PDE5A: variants seen among roughly 807,000 people sequenced by gnomAD.
PDE5A encodes phosphodiesterase 5A.
Under a neutral mutation model 110.2 loss-of-function variants are expected in PDE5A, and 67 were observed. That is an observed-to-expected ratio of 0.61 (90% CI 0.50 to 0.75). The LOEUF is 0.75. Ranked by LOEUF, PDE5A falls within the 30% of genes least tolerant of loss-of-function variation. The pLI, the probability that PDE5A is intolerant of heterozygous loss-of-function variation, is 0.00. For synonymous variants in PDE5A, 328 were observed against 351.2 expected, an observed-to-expected ratio of 0.93 and a Z score of 0.74; for missense variants, 862 against 1,045.1, an observed-to-expected ratio of 0.82 and a Z score of 2.42.
In PDE5A at chr4:119,560,768, A is replaced by G. The variant is rs774216561; in HGVS notation, c.1132-405T>C. 3.9e-5 allele frequency among the ~76,000 whole-genome samples: 6 copies of G among 152,346 alleles called. No individual in the cohort carries two copies. The South Asian group carries it at 8.3e-4, about 21-fold the overall frequency. On this transcript the variant is annotated intron_variant, in intron 6 of 20. Transcript: ENST00000354960. Reference sequence around the variant, plus strand: ...TTCTTAAAAAGATGTTTCATTCAGTAATACTTTATGTGATTATTAAAATAA... The same window carrying G: ...TTCTTAAAAAGATGTTTCATTCAGTGATACTTTATGTGATTATTAAAATAA...
intron 1 of PDE5A, among the ~76,000 whole-genome samples, chr4:119,609,960 C>T (rs767282185): frequency 1.5e-4 from 23 of 152,132 alleles, no homozygotes; most frequent in Non-Finnish European, 3.2e-4. Flanking sequence ...AACAACCTCA[C>T]TGGCCTTATG....
At chr4:119,532,017 T>C (rs1361634095) in intron 11 of PDE5A, among the ~76,000 whole-genome samples, 1 of 152,182 alleles carries the variant, frequency 6.6e-6, no homozygotes, top group African/African-American at 2.4e-5. Context: ...GGCTGTTTTA[T>C]ATATTTAATC....
chr4:119,561,558 C>T (rs890413987), intron 6 of PDE5A, among the ~76,000 whole-genome samples: 1 of 152,134 alleles, frequency 6.6e-6, no homozygotes, highest in Non-Finnish European at 1.5e-5. Context: ...AGGAGTGCTT[C>T]ACATATAACT....
intron 9 of PDE5A, 73 bp downstream of exon 9, chr4:119,552,477 G>A: frequency 1.9e-6 from 1 of 524,322 alleles, no homozygotes; most frequent in East Asian, 3.5e-5. Flanking sequence ...CTTTACATTT[G>A]AAAGAAAGAA....
chr4:119,601,069 A>G (rs1194121725), intron 2 of PDE5A, among the ~76,000 whole-genome samples: 1 of 152,176 alleles, frequency 6.6e-6, no homozygotes, highest in Non-Finnish European at 1.5e-5. Flanking sequence ...AGACCTCCTA[A>G]AGGCCATGGG....
intron 3 of PDE5A, among the ~76,000 whole-genome samples, chr4:119,574,188 TTTTTTTTTTTTTGAGACAGA>T (rs1437761818): frequency 2.8e-5 from 4 of 140,578 alleles, no homozygotes; most frequent in Non-Finnish European, 6.2e-5. Context: ...GCTTTTTTTT[TTTTTTTTTTTTTGAGACAGA>T]GTCTCACTCT....
At position 119,619,343 on chromosome 4, in the gene PDE5A, T is replaced by C. The variant is rs1406079995; in HGVS notation, c.152+9177A>G. On this transcript the variant is annotated intron_variant, in intron 1 of 20. Transcript: ENST00000354960. ...CTCTCCTGGTGAGAAAAAAGAACTC[T>C]TACAGCTGAAAGAGATTTTTAAGCT... is the stretch of plus-strand genomic sequence containing the variant. Among the ~76,000 whole-genome samples the C allele has an allele frequency of 2.0e-5, 3 of 152,310 alleles. No individual in the cohort carries two copies. The East Asian group carries it at 5.8e-4, about 29-fold the overall frequency.
intron 3 of PDE5A, among the ~76,000 whole-genome samples, chr4:119,591,863 T>C (rs1728974886): frequency 6.6e-6 from 1 of 151,908 alleles, no homozygotes; most frequent in South Asian, 2.1e-4. Flanking sequence ...TAAAAAGCTG[T>C]GTTCTGGGCC....
At chr4:119,565,731 T>C (rs2110507920) in intron 4 of PDE5A, among the ~76,000 whole-genome samples, 1 of 152,102 alleles carries the variant, frequency 6.6e-6, no homozygotes, top group South Asian at 2.1e-4. Context: ...CTTGGATCTA[T>C]GCTGAAATTA....
chr4:119,582,135 G>T (rs1448363069), intron 3 of PDE5A, among the ~76,000 whole-genome samples: 1 of 152,196 alleles, frequency 6.6e-6, no homozygotes, highest in Non-Finnish European at 1.5e-5. Flanking sequence ...TTTACCCACA[G>T]TAGAACTTCT....
chr4:119,513,018 T>C (rs905618122), intron 14 of PDE5A: 1 of 152,088 alleles, frequency 6.6e-6, no homozygotes, highest in Admixed American at 6.6e-5. Flanking sequence ...ATTTTTACAA[T>C]AACCTTGTGC....
intron 10 of PDE5A, 133 bp from the exon 11 acceptor site, chr4:119,539,152 G>T: frequency 1.4e-6 from 1 of 715,036 alleles, no homozygotes; most frequent in Non-Finnish European, 2.5e-6. Flanking sequence ...AATCTTGTTT[G>T]CTGTTTTCTT....
intron 3 of PDE5A, among the ~76,000 whole-genome samples, chr4:119,579,948 C>T (rs916430416): frequency 4.6e-5 from 7 of 152,198 alleles, no homozygotes; most frequent in African/African-American, 1.7e-4. Context: ...GCCCATGTGC[C>T]AAGTTCCCAG....
rs78363791 is a variant in PDE5A at position 119,617,276 on chromosome 4, T to C, written c.153-9979A>G. 1.4e-4 allele frequency among the ~76,000 whole-genome samples: 21 copies of C among 152,254 alleles called. 1 individual carries two copies. The East Asian group carries it at 4.1e-3, about 29-fold the overall frequency. ...CACGGCTTCTTCCAAATGCCCTCTA[T>C]CTAGAAGTATTAAATAGGACTACAA... On this transcript the variant is annotated intron_variant, in intron 1 of 20. Coordinates refer to ENST00000354960, the MANE Select transcript of PDE5A (RefSeq NM_001083.4).
At chr4:119,541,073 G>A (rs1283577379) in intron 10 of PDE5A, among the ~76,000 whole-genome samples, 2 of 152,104 alleles carry the variant, frequency 1.3e-5, no homozygotes, top group South Asian at 2.1e-4. Context: ...GGGAAGGGAA[G>A]TGCAGAGGAG....
At chr4:119,575,238 T>C (rs1057101966) in intron 3 of PDE5A, among the ~76,000 whole-genome samples, 5 of 152,134 alleles carry the variant, frequency 3.3e-5, no homozygotes, top group African/African-American at 1.2e-4. Flanking sequence ...ACAGGGAGAA[T>C]AGAACCAAGT....
intron 2 of PDE5A, among the ~76,000 whole-genome samples, chr4:119,603,820 A>G (rs1729429474): frequency 6.6e-6 from 1 of 152,190 alleles, no homozygotes; most frequent in Non-Finnish European, 1.5e-5. Flanking sequence ...TCTACGATCA[A>G]ATAAGCTTAA....
chr4:119,556,116 G>A (rs1241021114), intron 7 of PDE5A, among the ~76,000 whole-genome samples: 1 of 152,170 alleles, frequency 6.6e-6, no homozygotes, highest in Non-Finnish European at 1.5e-5. Flanking sequence ...GTAGAGTCTA[G>A]TGCAGAGACT....
intron 1 of PDE5A, among the ~76,000 whole-genome samples, chr4:119,609,777 G>T (rs960573734): frequency 1.3e-5 from 2 of 151,998 alleles, no homozygotes; most frequent in African/African-American, 4.8e-5. Flanking sequence ...GATTTTAAGG[G>T]TTCTCACCAC....
Sources: allele counts gnomAD v4.1 joint callset (sites outside exome capture counted in the v4.1 genomes callset), GRCh38; gene constraint gnomAD v4.1.1; transcripts MANE v1.5; gene names NCBI Gene and HGNC (gene_info 2026-07-23, HGNC 2026-07-21).